Variants in FSTL4 observed in about 807,000 individuals in gnomAD.
The protein encoded by FSTL4 is follistatin like 4.
A neutral mutation model predicts 78.2 loss-of-function variants in FSTL4; 28 were observed. The observed-to-expected ratio is 0.36, with a 90% confidence interval of 0.27 to 0.49. The LOEUF (loss-of-function observed/expected upper bound fraction) is 0.49, where lower values mean the gene tolerates loss of function less well. Ranked by LOEUF, FSTL4 falls within the 20% of genes least tolerant of loss-of-function variation. The pLI, the probability that FSTL4 is intolerant of heterozygous loss-of-function variation, is 0.98. For missense variants in FSTL4, 922 were observed against 1,084.9 expected, an observed-to-expected ratio of 0.85 and a Z score of 2.11; for synonymous variants, 422 against 440.5, an observed-to-expected ratio of 0.96 and a Z score of 0.53.
At chr5:133,394,246 T>C (rs551304754) in intron 4 of FSTL4, among the ~76,000 whole-genome samples, 2 of 152,360 alleles carry the variant, frequency 1.3e-5, no homozygotes, top group South Asian at 4.1e-4. Context: ...TGGCGCCCAC[T>C]CTGGCCATGC....
At chr5:133,622,479 C>T in the FSTL4 span, among the ~76,000 whole-genome samples, 13 of 151,896 alleles carry the variant, frequency 8.6e-5, no homozygotes, top group Admixed American at 1.3e-4. Context: ...AAATGTTACA[C>T]GAAAAAGCCA....
At chr5:133,638,401 C>T in the FSTL4 span, among the ~76,000 whole-genome samples, 1 of 152,202 alleles carries the variant, frequency 6.6e-6, no homozygotes, top group Non-Finnish European at 1.5e-5. Flanking sequence ...AGGAAAAGCT[C>T]AAGTCCTCGC....
intron 6 of FSTL4, among the ~76,000 whole-genome samples, chr5:133,281,057 G>T (rs896875873): frequency 1.3e-5 from 2 of 152,204 alleles, no homozygotes; most frequent in Admixed American, 6.5e-5. Flanking sequence ...CACATGGAAC[G>T]TGCTGGGTAA....
chr5:133,504,993 T>G (rs554695372), intron 3 of FSTL4, among the ~76,000 whole-genome samples: 1 of 152,226 alleles, frequency 6.6e-6, no homozygotes, highest in African/African-American at 2.4e-5. Flanking sequence ...GTTGTCTTTA[T>G]GCAGAGATGC....
At chr5:133,709,046 G>A in the FSTL4 span, among the ~76,000 whole-genome samples, 1 of 152,084 alleles carries the variant, frequency 6.6e-6, no homozygotes, top group Non-Finnish European at 1.5e-5. Context: ...CTTCCCCAGG[G>A]CATTAAAAAG....
At chr5:133,521,775 T>C (rs1580763480) in intron 3 of FSTL4, among the ~76,000 whole-genome samples, 1 of 152,178 alleles carries the variant, frequency 6.6e-6, no homozygotes, top group African/African-American at 2.4e-5. Context: ...TTTCCTCTCA[T>C]GGAGAGGCAG....
chr5:133,828,158 G>A, the FSTL4 span, among the ~76,000 whole-genome samples: 1 of 152,176 alleles, frequency 6.6e-6, no homozygotes, highest in Non-Finnish European at 1.5e-5. Flanking sequence ...GGGAGGACAA[G>A]GGCCAGGAAC....
intron 3 of FSTL4, among the ~76,000 whole-genome samples, chr5:133,402,999 T>C (rs1433717774): frequency 6.6e-6 from 1 of 152,194 alleles, no homozygotes; most frequent in Admixed American, 6.5e-5. Flanking sequence ...GGCCCCCCAC[T>C]CACGGTGTTT....
intron 3 of FSTL4, among the ~76,000 whole-genome samples, chr5:133,564,610 C>G (rs956758670): frequency 6.6e-6 from 1 of 152,050 alleles, no homozygotes; most frequent in Non-Finnish European, 1.5e-5. Flanking sequence ...TGATAGGAGC[C>G]CTTCCCTCTC....
the FSTL4 span, among the ~76,000 whole-genome samples, chr5:133,799,108 T>C: frequency 2.2e-5 from 3 of 136,198 alleles, 1 homozygote; most frequent in South Asian, 7.2e-4. Flanking sequence ...AGAAAGAATC[T>C]AGCCAGCCAC....
intron 3 of FSTL4, among the ~76,000 whole-genome samples, chr5:133,469,210 G>C (rs1349673748): frequency 1.3e-5 from 2 of 152,206 alleles, no homozygotes; most frequent in Admixed American, 6.5e-5. Context: ...GGATTGTGAA[G>C]AGGCCGAATG....
At chr5:133,242,643 G>C (rs1751912278) in intron 7 of FSTL4, among the ~76,000 whole-genome samples, 1 of 152,160 alleles carries the variant, frequency 6.6e-6, no homozygotes, top group Non-Finnish European at 1.5e-5. Context: ...AGGTTCCACA[G>C]GCTGGAGTAC....
At chr5:133,382,205 C>T (rs2126953810) in intron 4 of FSTL4, among the ~76,000 whole-genome samples, 1 of 152,300 alleles carries the variant, frequency 6.6e-6, no homozygotes, top group African/African-American at 2.4e-5. Context: ...TCCTGGTTCT[C>T]AGATGCCTGG....
the FSTL4 span, among the ~76,000 whole-genome samples, chr5:133,728,367 T>A: frequency 1.3e-5 from 2 of 152,206 alleles, no homozygotes; most frequent in Non-Finnish European, 2.9e-5. Context: ...CTGTGGTTAG[T>A]ACGCCTGGAG....
At chr5:133,381,729 A>G (rs1317277236) in intron 4 of FSTL4, among the ~76,000 whole-genome samples, 2 of 152,236 alleles carry the variant, frequency 1.3e-5, no homozygotes, top group Non-Finnish European at 2.9e-5. Context: ...TTTCCTTTTC[A>G]CCAAGTGGTT....
intron 12 of FSTL4, among the ~76,000 whole-genome samples, chr5:133,219,403 A>G (rs1330760296): frequency 1.3e-5 from 2 of 152,198 alleles, no homozygotes; most frequent in African/African-American, 2.4e-5. Context: ...AGGCTAGGTA[A>G]CTTTTCTAAA....
chr5:133,617,298 CAAAAAAAAAAAA>C (rs145317097), upstream of FSTL4, among the ~76,000 whole-genome samples: 1,842 of 62,030 alleles, frequency 0.03, 63 homozygotes, highest in African/African-American at 0.1. Context: ...GACTCCATCT[CAAAAAAAAAAAA>C]AAAAAAAAAA....
At chr5:133,486,544 G>A (rs1758140945) in intron 3 of FSTL4, among the ~76,000 whole-genome samples, 1 of 152,146 alleles carries the variant, frequency 6.6e-6, no homozygotes, top group South Asian at 2.1e-4. Context: ...CATTTGAGGA[G>A]ATAAGTTGAA....
the FSTL4 span, among the ~76,000 whole-genome samples, chr5:133,734,293 T>C: frequency 6.6e-6 from 1 of 152,234 alleles, no homozygotes; most frequent in African/African-American, 2.4e-5. Context: ...AGGGAAATTA[T>C]ATTATGGATA....
Sources: gnomAD v4.1 joint callset for allele counts (sites outside exome capture counted in the v4.1 genomes callset) on GRCh38, gnomAD v4.1.1 for gene constraint, MANE v1.5 for transcripts, NCBI Gene and HGNC (gene_info 2026-07-23, HGNC 2026-07-21) for gene names.